CEP192: variants seen among roughly 807,000 people sequenced by gnomAD.
The protein encoded by CEP192 is centrosomal protein of 192 kDa.
Under a neutral mutation model 271.8 loss-of-function variants are expected in CEP192, and 151 were observed. The ratio of observed to expected loss-of-function variants is 0.56; its 90% CI spans 0.49 to 0.64. The LOEUF is 0.64. Ranked by LOEUF, CEP192 falls within the 30% of genes least tolerant of loss-of-function variation. The probability of loss-of-function intolerance (pLI) is 0.00; values close to 1 mark genes in which losing one functional copy is unlikely to be tolerated. For missense variants in CEP192, 2,910 were observed against 3,020.5 expected, an observed-to-expected ratio of 0.96 and a Z score of 0.86; for synonymous variants, 995 against 1,076.5, an observed-to-expected ratio of 0.92 and a Z score of 1.48.
intron 19 of CEP192, among the ~76,000 whole-genome samples, chr18:13,057,211 G>A (rs539223695): frequency 1.3e-5 from 2 of 151,522 alleles, no homozygotes; most frequent in Non-Finnish European, 2.9e-5. Context: ...AATCTGATAC[G>A]TGTCCACATC....
intron 3 of CEP192, among the ~76,000 whole-genome samples, chr18:13,003,813 C>T (rs1217220971): frequency 6.6e-6 from 1 of 152,142 alleles, no homozygotes; most frequent in Non-Finnish European, 1.5e-5. Context: ...AAAAGGCCCA[C>T]TCTCGCGGTT....
At chr18:13,110,537 G>A (rs936779922) in intron 40 of CEP192, among the ~76,000 whole-genome samples, 2 of 151,964 alleles carry the variant, frequency 1.3e-5, no homozygotes, top group African/African-American at 4.8e-5. Context: ...AAAGAATTAG[G>A]GTAGACCCTT....
chr18:13,073,099 T>C lies in CEP192; in HGVS notation c.5530T>C (p.Phe1844Leu). ...PKEDIFISVL[F>L]APTRLSCMLA... ...GGAAGACATTTTCATCTCTGTATTA[T>C]TTGCACCTACTCGATTATCTTGCAT... is the stretch of plus-strand genomic sequence containing the variant. The change falls in exon 30 of 45, where the codon TTT becomes CTT. Residue 1844 changes from phenylalanine (F) to leucine (L), a missense_variant. Physicochemically the swap from Phe to Leu is conservative, Grantham distance 22. Coordinates refer to ENST00000506447, the MANE Select transcript of CEP192 (RefSeq NM_032142.4). 1 of 1,613,944 alleles carries C rather than the reference T, an allele frequency of 6.2e-7. No homozygotes were observed.
chr18:13,063,962 A>G (rs1401869984), intron 21 of CEP192, among the ~76,000 whole-genome samples: 1 of 151,574 alleles, frequency 6.6e-6, no homozygotes, highest in Non-Finnish European at 1.5e-5. Context: ...CTGGGATTAC[A>G]GGCATGCACC....
At chr18:13,063,974 C>G (rs2037548920) in intron 21 of CEP192, among the ~76,000 whole-genome samples, 1 of 151,630 alleles carries the variant, frequency 6.6e-6, no homozygotes, top group African/African-American at 2.4e-5. Flanking sequence ...GCATGCACCA[C>G]CACGCCTGGC....
intron 27 of CEP192, among the ~76,000 whole-genome samples, chr18:13,070,593 C>A (rs982247861): frequency 1.3e-5 from 2 of 152,200 alleles, no homozygotes; most frequent in Non-Finnish European, 2.9e-5. Flanking sequence ...GCTTGCGTAA[C>A]CCTAGCTTAA....
At chr18:13,096,124 A>G (rs2039386499) in intron 35 of CEP192, 60 bp from the exon 36 acceptor site, 1 of 1,563,484 alleles carries the variant, frequency 6.4e-7, no homozygotes, top group Admixed American at 1.7e-5. Context: ...TTAGTTGTTA[A>G]TATTTGTCTT....
chr18:13,009,995 CAA>C (rs2145882783), intron 4 of CEP192, among the ~76,000 whole-genome samples: 1 of 151,978 alleles, frequency 6.6e-6, no homozygotes, highest in Admixed American at 6.5e-5. Flanking sequence ...TCTGTCTGTA[CAA>C]AAAATACAAA....
chr18:13,081,083 A>C (rs1362363351), intron 30 of CEP192, among the ~76,000 whole-genome samples: 1 of 152,216 alleles, frequency 6.6e-6, no homozygotes, highest in East Asian at 1.9e-4. Context: ...CATCAGAGAT[A>C]TTGGATTAAA....
intron 30 of CEP192, 61 bp downstream of exon 30, chr18:13,073,246 T>A: frequency 7.2e-7 from 1 of 1,382,958 alleles, no homozygotes; most frequent in Non-Finnish European, 9.9e-7. Flanking sequence ...TAACTATTGG[T>A]TTAATGTTGT....
rs781480656 is a variant in CEP192, at chr18:13,116,477, C to A, written c.7390C>A (p.Arg2464=). ...GESRTLKVNL[R]NNSFITHSLK... is the part of the protein sequence containing the mutation. ...ATCACGGACACTTAAAGTCAATCTG[C>A]GAAATAATTCTTTTATTACACACTC... The change falls in exon 43 of 45, where the codon CGA becomes AGA. Residue 2464 remains arginine, a synonymous_variant. Transcript: ENST00000506447. 3 of 1,607,008 alleles carry A rather than the reference C, an allele frequency of 1.9e-6. No homozygotes were observed. The highest frequency in any genetic ancestry group is 2.5e-6 in the Non-Finnish European group (3 of 1,177,702).
rs1453012269 is a variant in CEP192 at position 13,018,477 on chromosome 18, C to T, written c.790-3C>T. 3 of 1,503,654 alleles carry T rather than the reference C, an allele frequency of 2.0e-6. No individual in the cohort carries two copies. Among genetic ancestry groups the T allele is most frequent in the Non-Finnish European group, 1.8e-6 (2 of 1,118,494 alleles). The allele number at this position is 1,503,654 out of a possible 1,614,324, so 93.1% of individuals were successfully genotyped here. On this transcript the variant is annotated splice_polypyrimidine_tract_variant and splice_region_variant and intron_variant, in intron 7 of 44. Transcript: ENST00000506447. ...TAATACAGCTAAGATATTCTTTCAA[C>T]AGGCAAATGAAAACGGTAGCTTAAA...
intron 1 of CEP192, among the ~76,000 whole-genome samples, chr18:12,995,921 G>A (rs2033202562): frequency 6.6e-6 from 1 of 152,214 alleles, no homozygotes; most frequent in African/African-American, 2.4e-5. Context: ...GGGAGGTTAG[G>A]ATGACTGGAA....
chr18:13,077,243 C>T (rs2038339435), intron 30 of CEP192, among the ~76,000 whole-genome samples: 1 of 152,190 alleles, frequency 6.6e-6, no homozygotes, highest in African/African-American at 2.4e-5. Flanking sequence ...TATTTTAGTA[C>T]AGATTGAGTA....
chr18:12,997,758 T>A (rs1246318888), intron 1 of CEP192, among the ~76,000 whole-genome samples: 1 of 152,172 alleles, frequency 6.6e-6, no homozygotes, highest in East Asian at 1.9e-4. Context: ...AGAGTCTCGC[T>A]CCATCACCCA....
At position 13,019,090 on chromosome 18, in the gene CEP192, A is replaced by G. The variant is rs1306595543; in HGVS notation, c.934A>G (p.Ile312Val). 27 of 1,531,302 alleles carry G rather than the reference A, an allele frequency of 1.8e-5. No individual in the cohort carries two copies. Among genetic ancestry groups the G allele is most frequent in the South Asian group, 1.1e-4 (9 of 79,348 alleles). 94.9% of individuals were successfully genotyped at this position (1,531,302 alleles called of 1,614,324 possible). The change falls in exon 9 of 45, where the codon ATA becomes GTA. Residue 312 changes from isoleucine to valine, a missense_variant. Ile to Val is a conservative substitution (Grantham distance 29, BLOSUM62 3). Coordinates refer to ENST00000506447, the MANE Select transcript of CEP192 (RefSeq NM_032142.4). The part of the protein sequence containing the change: ...VICLPGTSNS[I>V]GTGDSRRYTD... ...TTTCTTTATTTTTTCAGGTAATTCTATAGGTACTGGAGATAGTAGAAGGTA... is the reference window on the plus strand; with the variant it reads ...TTTCTTTATTTTTTCAGGTAATTCTGTAGGTACTGGAGATAGTAGAAGGTA...
chr18:13,070,567 C>T (rs76857233), intron 27 of CEP192, among the ~76,000 whole-genome samples: 4,541 of 152,314 alleles, frequency 0.03, 90 homozygotes, highest in African/African-American at 0.048. Context: ...GCCCCACTGT[C>T]GTGAGTACTG....
chr18:13,033,262 T>C lies in CEP192; in HGVS notation c.1534+2654T>C, dbSNP rs567626152. 2.6e-5 allele frequency among the ~76,000 whole-genome samples: 4 copies of C among 152,210 alleles called. No individual in the cohort carries two copies. In the South Asian group the frequency reaches 8.3e-4, roughly 32 times the overall value. On this transcript the variant is annotated intron_variant, in intron 11 of 44. Transcript: ENST00000506447. The stretch of plus-strand genomic sequence containing the variant: ...AATAAACAATAAGAAAAAGACCAAC[T>C]ACCCCAAAATTGGAAACAATTTATA...
chr18:13,027,799 A>G (rs2035388719), intron 9 of CEP192, among the ~76,000 whole-genome samples: 1 of 151,650 alleles, frequency 6.6e-6, no homozygotes, highest in Non-Finnish European at 1.5e-5. Flanking sequence ...AATCTTTGCA[A>G]GTGTTGTATA....
Sources: allele counts gnomAD v4.1 joint callset (sites outside exome capture counted in the v4.1 genomes callset), GRCh38; gene constraint gnomAD v4.1.1; transcripts MANE v1.5; gene names NCBI Gene and HGNC (gene_info 2026-07-23, HGNC 2026-07-21).